FBXL13: variants seen among roughly 807,000 people sequenced by gnomAD.
FBXL13 encodes F-box and leucine-rich repeat protein 13.
A neutral mutation model predicts 83.6 loss-of-function variants in FBXL13; 67 were observed. That is an observed-to-expected ratio of 0.80 (90% CI 0.66 to 0.98). FBXL13 has a LOEUF of 0.98. Ranked by LOEUF, FBXL13 falls within the 50% of genes least tolerant of loss-of-function variation. The pLI is 0.00. For synonymous variants in FBXL13, 272 were observed against 299.5 expected, an observed-to-expected ratio of 0.91 and a Z score of 0.95; for missense variants, 822 against 866.5, an observed-to-expected ratio of 0.95 and a Z score of 0.64.
At chr7:103,044,251 A>G (rs1208642134) in intron 2 of FBXL13, among the ~76,000 whole-genome samples, 1 of 152,264 alleles carries the variant, frequency 6.6e-6, no homozygotes, top group African/African-American at 2.4e-5. Flanking sequence ...CAGAAAAAAT[A>G]AGACAAGGAG....
chr7:102,814,684 C>A (rs983630649), intron 19 of FBXL13, among the ~76,000 whole-genome samples: 6 of 152,176 alleles, frequency 3.9e-5, no homozygotes, highest in Non-Finnish European at 8.8e-5. Flanking sequence ...TATACTAATT[C>A]CTAGTTTGGA....
At chr7:103,014,694 C>T (rs534499732) in intron 6 of FBXL13, among the ~76,000 whole-genome samples, 88 of 151,984 alleles carry the variant, frequency 5.8e-4, no homozygotes, top group African/African-American at 1.7e-3. Flanking sequence ...GAGGCCGAGG[C>T]GGGTGGATCA....
intron 2 of FBXL13, among the ~76,000 whole-genome samples, chr7:103,051,284 T>C (rs1398855614): frequency 1.3e-5 from 2 of 152,222 alleles, no homozygotes; most frequent in East Asian, 3.8e-4. Flanking sequence ...TATCAGTTCC[T>C]TTCTGAACCA....
intron 1 of FBXL13, among the ~76,000 whole-genome samples, chr7:103,069,357 T>C (rs1216442976): frequency 1.3e-5 from 2 of 152,236 alleles, no homozygotes; most frequent in Non-Finnish European, 2.9e-5. Context: ...TTGTGTGTGA[T>C]TTTTATGCCC....
At chr7:103,057,071 T>C (rs536656554) in intron 1 of FBXL13, among the ~76,000 whole-genome samples, 1 of 152,180 alleles carries the variant, frequency 6.6e-6, no homozygotes, top group Non-Finnish European at 1.5e-5. Context: ...TTGTTGGATG[T>C]ATAGATTTTC....
intron 6 of FBXL13, among the ~76,000 whole-genome samples, chr7:102,986,475 C>T (rs1017011582): frequency 6.6e-6 from 1 of 152,088 alleles, no homozygotes; most frequent in African/African-American, 2.4e-5. Flanking sequence ...TCCCTGTGCC[C>T]AAGCTGGGCT....
Position 103,024,835 on chromosome 7 carries a change from A to G in FBXL13, c.495+228T>C, listed in dbSNP as rs866375239. ...TACATATATATGTATATATATGTGT[A>G]TATATATATATATATATATATATTT... is the stretch of plus-strand genomic sequence containing the variant. On this transcript the variant is annotated intron_variant, in intron 6 of 19. Coordinates refer to ENST00000313221, the Ensembl canonical transcript of FBXL13. 3.9e-3 allele frequency among the ~76,000 whole-genome samples: 370 copies of G among 95,466 alleles called. 1 individual carries two copies. Among genetic ancestry groups the G allele is most frequent in the Middle Eastern group, 0.024 (4 of 164 alleles). 62.6% of individuals were successfully genotyped at this position (95,466 alleles called of 152,430 possible). A position where few individuals can be genotyped will look rare whatever the true frequency, so the allele number is the denominator to read the frequency against.
At chr7:102,813,600 C>T (rs1797600342) in intron 19 of FBXL13, 69 bp from the exon 21 acceptor site, 1 of 1,515,862 alleles carries the variant, frequency 6.6e-7, no homozygotes, top group Non-Finnish European at 9.0e-7. Flanking sequence ...TCAAACTCAA[C>T]CAAATTTGGA....
intron 8 of FBXL13, among the ~76,000 whole-genome samples, chr7:102,959,956 CAT>C (rs1475526179): frequency 6.6e-6 from 1 of 151,946 alleles, no homozygotes; most frequent in Non-Finnish European, 1.5e-5. Context: ...CAATATGACT[CAT>C]GTTGTAAAGT....
intron 6 of FBXL13, among the ~76,000 whole-genome samples, chr7:102,996,452 T>C (rs1370730150): frequency 6.6e-6 from 1 of 152,204 alleles, no homozygotes; most frequent in Non-Finnish European, 1.5e-5. Context: ...TGTTTTGCCT[T>C]TTTACTGCAA....
chr7:102,849,472 C>T (rs1488976564), intron 17 of FBXL13, among the ~76,000 whole-genome samples: 1 of 152,110 alleles, frequency 6.6e-6, no homozygotes, highest in African/African-American at 2.4e-5. Context: ...ATTCATTTTT[C>T]TCATTAAGCG....
At chr7:103,017,327 G>A (rs1461537227) in intron 6 of FBXL13, among the ~76,000 whole-genome samples, 2 of 151,324 alleles carry the variant, frequency 1.3e-5, no homozygotes, top group African/African-American at 2.4e-5. Flanking sequence ...CCATCTGTAC[G>A]TCACCATCAT....
intron 17 of FBXL13, among the ~76,000 whole-genome samples, chr7:102,833,616 G>A (rs142263156): frequency 5.4e-4 from 81 of 148,816 alleles, no homozygotes; most frequent in African/African-American, 1.9e-3. Flanking sequence ...TTTTTTAGTA[G>A]AGATGGGGTT....
At chr7:102,941,504 C>T (rs1180942056) in intron 8 of FBXL13, among the ~76,000 whole-genome samples, 1 of 152,120 alleles carries the variant, frequency 6.6e-6, no homozygotes, top group East Asian at 1.9e-4. Flanking sequence ...ACTCTGGTCT[C>T]CCGCACAGCC....
intron 18 of FBXL13, among the ~76,000 whole-genome samples, chr7:102,829,413 C>T (rs193045304): frequency 3.3e-4 from 50 of 152,322 alleles, no homozygotes; most frequent in African/African-American, 1.2e-3. Flanking sequence ...GGCCTGCTTT[C>T]GCTTACCTTA....
chr7:102,919,074 T>C (rs1816480290), intron 10 of FBXL13, among the ~76,000 whole-genome samples: 1 of 152,186 alleles, frequency 6.6e-6, no homozygotes, highest in South Asian at 2.1e-4. Flanking sequence ...CTTGCACAGC[T>C]CATGGGAGTT....
At chr7:102,918,647 C>T (rs1305086790) in intron 10 of FBXL13, among the ~76,000 whole-genome samples, 2 of 152,100 alleles carry the variant, frequency 1.3e-5, no homozygotes, top group Non-Finnish European at 2.9e-5. Flanking sequence ...GAGATCTTGT[C>T]TCTACAAAAG....
At chr7:102,963,003 ATAT>A (rs796558777) in intron 8 of FBXL13, among the ~76,000 whole-genome samples, 4,389 of 142,472 alleles carry the variant, frequency 0.031, 163 homozygotes, top group East Asian at 0.14. Flanking sequence ...ATATATATAT[ATAT>A]AAAAAAAAAA....
intron 2 of FBXL13, among the ~76,000 whole-genome samples, chr7:103,040,839 G>A (rs939487982): frequency 5.9e-5 from 9 of 152,104 alleles, no homozygotes; most frequent in Non-Finnish European, 1.2e-4. Context: ...GTGTGTAGAG[G>A]GAAATTGATA....
Sources: allele counts gnomAD v4.1 joint callset (sites outside exome capture counted in the v4.1 genomes callset), GRCh38; gene constraint gnomAD v4.1.1; transcripts MANE v1.5; gene names NCBI Gene and HGNC (gene_info 2026-07-23, HGNC 2026-07-21).